Variants in BCAS1 observed in about 807,000 individuals in gnomAD.
BCAS1 encodes the protein brain enriched myelin associated protein 1.
Under a neutral mutation model 65.4 loss-of-function variants are expected in BCAS1, and 46 were observed. The ratio of observed to expected loss-of-function variants is 0.70; its 90% CI spans 0.55 to 0.90. The LOEUF (loss-of-function observed/expected upper bound fraction) is 0.90. Among genes scored for constraint, BCAS1 ranks in the 40% least tolerant of loss-of-function variants. The pLI, the probability that BCAS1 is intolerant of heterozygous loss-of-function variation, is 0.00. For synonymous variants in BCAS1, 298 were observed against 293.5 expected, an observed-to-expected ratio of 1.02 and a Z score of -0.16; for missense variants, 793 against 771.2, an observed-to-expected ratio of 1.03 and a Z score of -0.33.
chr20:53,969,944 T>C (rs2090136861), intron 9 of BCAS1, among the ~76,000 whole-genome samples: 1 of 152,098 alleles, frequency 6.6e-6, no homozygotes, highest in Non-Finnish European at 1.5e-5. Context: ...CTTAGACTAA[T>C]CATGATCAAA....
chr20:53,951,134 GGGT>G (rs1322657523), intron 12 of BCAS1, among the ~76,000 whole-genome samples: 1 of 152,172 alleles, frequency 6.6e-6, no homozygotes, highest in Non-Finnish European at 1.5e-5. Flanking sequence ...ATCATTCCCT[GGGT>G]GGTGTTCATT....
chr20:53,967,274 T>A (rs981018711), intron 9 of BCAS1, among the ~76,000 whole-genome samples: 5 of 152,160 alleles, frequency 3.3e-5, no homozygotes, highest in African/African-American at 1.2e-4. Flanking sequence ...AACTGCCACA[T>A]TGACATGGAA....
rs775065320 is a variant in BCAS1, at chr20:54,028,508, C to T, written c.607G>A (p.Gly203Arg). 2.7e-5 allele frequency: 43 copies of T among 1,614,054 alleles called. No individual in the cohort carries two copies. The highest frequency in any genetic ancestry group is 1.6e-4 in the Middle Eastern group (1 of 6,084). ...CTGTCACCTGGCACCTTTTCCTGTCCCTTGTCCAGCTTGAAGAATTTGTCA... is the reference window on the plus strand; with the variant it reads ...CTGTCACCTGGCACCTTTTCCTGTCTCTTGTCCAGCTTGAAGAATTTGTCA... Reference protein sequence around the residue: ...FFDKFFKLDKGQEKVPGDSQQ... With the variant: ...FFDKFFKLDKRQEKVPGDSQQ... Residue 203 changes from glycine (G) to arginine (R), a missense_variant, in exon 4 of 13, where the codon GGA (glycine) becomes AGA (arginine). Physicochemically the swap from Gly to Arg is moderately radical, Grantham distance 125. Transcript: ENST00000688948.
intron 7 of BCAS1, among the ~76,000 whole-genome samples, chr20:53,988,577 T>G (rs1012869790): frequency 6.6e-6 from 1 of 152,230 alleles, no homozygotes; most frequent in African/African-American, 2.4e-5. Context: ...TTGATGCCTG[T>G]ATACAAAGTG....
At chr20:54,051,693 G>T (rs1216263657) in intron 3 of BCAS1, among the ~76,000 whole-genome samples, 1 of 151,198 alleles carries the variant, frequency 6.6e-6, no homozygotes, top group African/African-American at 2.4e-5. Context: ...TAGTTGATGT[G>T]AGCTGCTTTT....
chr20:53,977,506 C>T (rs1347904190), intron 8 of BCAS1, among the ~76,000 whole-genome samples: 2 of 152,144 alleles, frequency 1.3e-5, no homozygotes, highest in Admixed American at 1.3e-4. Context: ...ACCCTTTTTC[C>T]TGTCCCAGTT....
In BCAS1 at chr20:53,966,907, A is replaced by G. The variant is rs955239371; in HGVS notation, c.1484T>C (p.Met495Thr). Residue 495 changes from methionine (M) to threonine (T), a missense_variant and splice_region_variant, in exon 10 of 13, where the codon ATG (methionine) becomes ACG (threonine). Coordinates refer to ENST00000688948, the MANE Select transcript of BCAS1 (RefSeq NM_001366298.2). ...CTATACTGGAAGTAAGGGGCTTACC[A>G]TTTGTCTGAGAAACGCCATCAGAGA... Reference protein sequence around the residue: ...RTSLMAFLRQMSVKGDGGITH... With the variant: ...RTSLMAFLRQTSVKGDGGITH... 3.7e-6 allele frequency: 6 copies of G among 1,605,844 alleles called. No individual in the cohort carries two copies. Among genetic ancestry groups the G allele is most frequent in the African/African-American group, 1.3e-5 (1 of 74,148 alleles).
chr20:54,005,289 C>G (rs1376734017), intron 4 of BCAS1, among the ~76,000 whole-genome samples: 1 of 55,120 alleles, frequency 1.8e-5, no homozygotes, highest in African/African-American at 5.7e-5. Context: ...GACCTTGTCT[C>G]TATGAAACAA....
rs147951998 is a variant in BCAS1, at chr20:54,051,714, GT to G, written c.142+6370del. On this transcript the variant is annotated intron_variant, in intron 3 of 12. Coordinates refer to ENST00000688948, the MANE Select transcript of BCAS1 (RefSeq NM_001366298.2). Reference sequence around the variant, plus strand: ...ATGTGAGCTGCTTTTGACTATGCTGGTTTTTTTTTTGTTTGTTGTTGTTGTT... The same window carrying G: ...ATGTGAGCTGCTTTTGACTATGCTGGTTTTTTTTTGTTTGTTGTTGTTGTT... Among the ~76,000 whole-genome samples, 61 of 129,586 alleles carry G rather than the reference GT, an allele frequency of 4.7e-4. 1 individual carries two copies. Among genetic ancestry groups the G allele is most frequent in the African/African-American group, 1.5e-3 (48 of 31,428 alleles). 85.0% of individuals were successfully genotyped at this position (129,586 alleles called of 152,430 possible).
intron 3 of BCAS1, among the ~76,000 whole-genome samples, chr20:54,038,143 AC>A (rs2091929969): frequency 6.6e-6 from 1 of 151,148 alleles, no homozygotes; most frequent in Admixed American, 6.6e-5. Context: ...ACATGTTTCC[AC>A]CTGCAGCCCT....
chr20:54,027,217 A>G (rs1423326752), intron 4 of BCAS1, among the ~76,000 whole-genome samples: 1 of 152,202 alleles, frequency 6.6e-6, no homozygotes, highest in Non-Finnish European at 1.5e-5. Context: ...TAAGAGCCTA[A>G]AACACATGAT....
At chr20:53,998,238 T>C (rs1308663127) in intron 4 of BCAS1, among the ~76,000 whole-genome samples, 4 of 152,188 alleles carry the variant, frequency 2.6e-5, no homozygotes, top group Non-Finnish European at 1.5e-5. Flanking sequence ...TCCCAACCAC[T>C]GAGATACAAT....
At chr20:53,950,417 C>G (rs1243228352) in intron 12 of BCAS1, among the ~76,000 whole-genome samples, 1 of 145,356 alleles carries the variant, frequency 6.9e-6, no homozygotes, top group African/African-American at 2.6e-5. Flanking sequence ...TTGGGATCCA[C>G]CGATTAAAAG....
At chr20:54,031,464 T>A (rs753130400) in intron 3 of BCAS1, among the ~76,000 whole-genome samples, 22 of 151,350 alleles carry the variant, frequency 1.5e-4, no homozygotes, top group Non-Finnish European at 2.4e-4. Context: ...CCCAAGTCCA[T>A]CACCTGGGGC....
intron 4 of BCAS1, among the ~76,000 whole-genome samples, chr20:54,011,606 C>T (rs1302518736): frequency 6.6e-6 from 1 of 152,152 alleles, no homozygotes; most frequent in African/African-American, 2.4e-5. Flanking sequence ...GGGAAGGATG[C>T]AAGAAACTCG....
intron 3 of BCAS1, among the ~76,000 whole-genome samples, chr20:54,054,142 T>C (rs1356614813): frequency 6.6e-6 from 1 of 152,162 alleles, no homozygotes; most frequent in East Asian, 1.9e-4. Context: ...GAGAACAGCA[T>C]GGGAAAAACA....
chr20:53,981,512 T>C (rs1411678772), intron 8 of BCAS1, among the ~76,000 whole-genome samples: 4 of 152,102 alleles, frequency 2.6e-5, no homozygotes, highest in African/African-American at 9.7e-5. Flanking sequence ...CGGGTTATAA[T>C]TCACTGAATA....
At chr20:54,043,025 A>AT (rs1384737133) in intron 3 of BCAS1, among the ~76,000 whole-genome samples, 1 of 152,216 alleles carries the variant, frequency 6.6e-6, no homozygotes, top group Non-Finnish European at 1.5e-5. Context: ...TTTTCTTTTT[A>AT]TATCACCTGG....
chr20:53,981,959 C>A (rs1263865523), intron 8 of BCAS1, among the ~76,000 whole-genome samples: 1 of 152,082 alleles, frequency 6.6e-6, no homozygotes, highest in Non-Finnish European at 1.5e-5. Context: ...TTAGTCATGA[C>A]CACTGATTGT....
Sources: gnomAD v4.1 joint callset for allele counts (sites outside exome capture counted in the v4.1 genomes callset) on GRCh38, gnomAD v4.1.1 for gene constraint, MANE v1.5 for transcripts, NCBI Gene and HGNC (gene_info 2026-07-23, HGNC 2026-07-21) for gene names.